ARHGAP29: variants seen among roughly 807,000 people sequenced by gnomAD.
The protein encoded by ARHGAP29 is Rho GTPase activating protein 29.
ARHGAP29 carries 43 observed loss-of-function variants against 122.6 expected under a neutral mutation model. The observed-to-expected ratio is 0.35, with a 90% confidence interval of 0.27 to 0.45. The LOEUF (loss-of-function observed/expected upper bound fraction) is 0.45. Ranked by LOEUF, ARHGAP29 falls within the 20% of genes least tolerant of loss-of-function variation. The pLI is 1.00. For synonymous variants in ARHGAP29, 506 were observed against 497.1 expected (o/e 1.02, Z -0.24); for missense variants, 1,303 against 1,477.2 (o/e 0.88, Z 1.93).
intron 2 of ARHGAP29, among the ~76,000 whole-genome samples, chr1:94,226,629 A>G (rs756701551): frequency 6.6e-6 from 1 of 151,986 alleles, no homozygotes; most frequent in Non-Finnish European, 1.5e-5. Flanking sequence ...GCTAGTTACT[A>G]CTATAAACAT....
rs79181056 is a variant in ARHGAP29 at position 94,225,543 on chromosome 1, A to G, written c.206-5151T>C. On this transcript the variant is annotated intron_variant, in intron 2 of 22. Coordinates refer to ENST00000260526, the MANE Select transcript of ARHGAP29 (RefSeq NM_004815.4). Reference sequence around the variant, plus strand: ...AATACATTTATAGCTAGATCCCACAATATTTTGACTAAGGAAGAAAAGACA... The same window carrying G: ...AATACATTTATAGCTAGATCCCACAGTATTTTGACTAAGGAAGAAAAGACA... Among the ~76,000 whole-genome samples the G allele has an allele frequency of 5.3e-4, 80 of 152,218 alleles. 2 individuals are homozygous for G. In the East Asian group the frequency reaches 0.015, roughly 29 times the overall value.
In ARHGAP29 at chr1:94,173,043, A is replaced by G. The variant is rs1016138649; in HGVS notation, c.*826T>C. On this transcript the variant is annotated 3_prime_UTR_variant, in exon 23 of 23. Coordinates refer to ENST00000260526, the MANE Select transcript of ARHGAP29 (RefSeq NM_004815.4). ...ATGCACTGAATTCAAAAACTTCTGA[A>G]ACAGGCATTTTTTGGACCATTTATA... 6.6e-6 allele frequency: 1 copy of G among 152,636 alleles called. No individual in the cohort carries two copies. The highest frequency in any genetic ancestry group is 2.4e-5 in the African/African-American group (1 of 41,450). The allele number at this position is 152,636 out of a possible 1,614,324, so 9.5% of individuals were successfully genotyped here. A position where few individuals can be genotyped will look rare whatever the true frequency, so the allele number is the denominator to read the frequency against.
intron 1 of ARHGAP29, among the ~76,000 whole-genome samples, chr1:94,246,077 A>C (rs1438271947): frequency 1.3e-5 from 2 of 152,238 alleles, no homozygotes; most frequent in African/African-American, 2.4e-5. Context: ...TTGGGGACTA[A>C]AACATTTTCT....
chr1:94,287,640 C>G, the ARHGAP29 span, among the ~76,000 whole-genome samples: 2 of 152,046 alleles, frequency 1.3e-5, no homozygotes, highest in Non-Finnish European at 2.9e-5. Flanking sequence ...TCTCCTAATG[C>G]TATCCCCCCC....
chr1:94,208,263 G>A (rs905378238), intron 5 of ARHGAP29, among the ~76,000 whole-genome samples: 8 of 152,032 alleles, frequency 5.3e-5, no homozygotes, highest in African/African-American at 1.9e-4. Flanking sequence ...ACTATACCTG[G>A]TCCCAAATAT....
intron 3 of ARHGAP29, among the ~76,000 whole-genome samples, chr1:94,210,156 A>T (rs1277898644): frequency 6.6e-6 from 1 of 152,210 alleles, no homozygotes; most frequent in Non-Finnish European, 1.5e-5. Flanking sequence ...TTTTAAAGTA[A>T]CTGTTGCTAC....
chr1:94,254,320 C>T (rs571237827), intron 1 of ARHGAP29, among the ~76,000 whole-genome samples: 2 of 152,268 alleles, frequency 1.3e-5, no homozygotes, highest in South Asian at 4.2e-4. Flanking sequence ...TATGAGGTCA[C>T]AGACATAACC....
At chr1:94,307,647 A>G in the ARHGAP29 span, among the ~76,000 whole-genome samples, 1 of 152,230 alleles carries the variant, frequency 6.6e-6, no homozygotes, top group Non-Finnish European at 1.5e-5. Context: ...TAAGGGTAAA[A>G]TAAGATAAAG....
At chr1:94,301,918 G>A in the ARHGAP29 span, 5 of 153,434 alleles carry the variant, frequency 3.3e-5, no homozygotes, top group African/African-American at 1.2e-4. Context: ...AAACAGTGAT[G>A]TAAAATATTC....
At chr1:94,192,891 G>T (rs1489365750) in intron 12 of ARHGAP29, 1 of 151,914 alleles carries the variant, frequency 6.6e-6, no homozygotes, top group African/African-American at 2.4e-5. Flanking sequence ...AAATATCTAG[G>T]ATATCATTCA....
chr1:94,205,615 A>G lies in ARHGAP29; in HGVS notation c.559+20T>C, dbSNP rs763513750. ...AACTACAAGAAGTTTGTGAAAAGTT[A>G]TAAACACCTTGAGCATTACCTTTTT... On this transcript the variant is annotated intron_variant, in intron 6 of 22. Coordinates refer to ENST00000260526, the MANE Select transcript of ARHGAP29 (RefSeq NM_004815.4). 11 of 1,606,390 alleles carry G rather than the reference A, an allele frequency of 6.8e-6. No individual in the cohort carries two copies. In the African/African-American group the frequency reaches 1.3e-4, roughly 20 times the overall value.
the ARHGAP29 span, among the ~76,000 whole-genome samples, chr1:94,296,977 C>A: frequency 6.6e-6 from 1 of 152,148 alleles, no homozygotes; most frequent in Non-Finnish European, 1.5e-5. Flanking sequence ...GTGAAGACAT[C>A]TATTGAGACA....
chr1:94,281,653 C>T, the ARHGAP29 span, among the ~76,000 whole-genome samples: 2 of 152,120 alleles, frequency 1.3e-5, no homozygotes, highest in African/African-American at 4.8e-5. Context: ...ATAGACTTCT[C>T]CCCCAGTAGG....
At chr1:94,282,861 A>G in the ARHGAP29 span, among the ~76,000 whole-genome samples, 1 of 152,184 alleles carries the variant, frequency 6.6e-6, no homozygotes, top group Admixed American at 6.5e-5. Flanking sequence ...GTTTGTCTCC[A>G]GGCAAAAATA....
At chr1:94,298,782 T>A in the ARHGAP29 span, among the ~76,000 whole-genome samples, 1 of 152,314 alleles carries the variant, frequency 6.6e-6, no homozygotes, top group East Asian at 1.9e-4. Flanking sequence ...TGGTTTCACA[T>A]GCTTAATCTT....
intron 1 of ARHGAP29, among the ~76,000 whole-genome samples, chr1:94,253,164 T>C (rs1383426859): frequency 6.6e-6 from 1 of 152,094 alleles, no homozygotes; most frequent in Non-Finnish European, 1.5e-5. Context: ...TAGAGACAGG[T>C]TTCACTGTGT....
intron 15 of ARHGAP29, among the ~76,000 whole-genome samples, chr1:94,188,117 T>C (rs1389716330): frequency 2.0e-5 from 3 of 152,222 alleles, no homozygotes; most frequent in Middle Eastern, 3.4e-3. Flanking sequence ...GAATGTTGGA[T>C]GTAAGAATCT....
intron 1 of ARHGAP29, among the ~76,000 whole-genome samples, chr1:94,273,082 G>T (rs927590497): frequency 2.6e-5 from 4 of 152,170 alleles, no homozygotes; most frequent in Non-Finnish European, 5.9e-5. Context: ...CTGTGACCAA[G>T]CAGGTAACTC....
At chr1:94,238,295 C>G (rs964810264), upstream of ARHGAP29, among the ~76,000 whole-genome samples, 9 of 151,884 alleles carry the variant, frequency 5.9e-5, no homozygotes, top group Admixed American at 3.3e-4. Flanking sequence ...TCCCGACCTC[C>G]CGACCTCAGG....
Sources: allele counts gnomAD v4.1 joint callset (sites outside exome capture counted in the v4.1 genomes callset), GRCh38; gene constraint gnomAD v4.1.1; transcripts MANE v1.5; gene names NCBI Gene and HGNC (gene_info 2026-07-23, HGNC 2026-07-21).